Variants in BLTP1 observed in about 807,000 individuals in gnomAD.
BLTP1 encodes bridge-like lipid transfer protein family member 1.
At chr4:122,313,654 G>T in the BLTP1 span, 1 of 1,587,686 alleles carries the variant, frequency 6.3e-7, no homozygotes, top group Non-Finnish European at 8.6e-7. Flanking sequence ...CACCTATGAA[G>T]TATGTTCAAG....
the BLTP1 span, among the ~76,000 whole-genome samples, chr4:122,295,232 G>A: frequency 6.6e-6 from 1 of 151,924 alleles, no homozygotes; most frequent in South Asian, 2.1e-4. Flanking sequence ...AGCAAGACAG[G>A]CCAACATTCG....
At chr4:122,185,450 C>T in the BLTP1 span, 1 of 983,188 alleles carries the variant, frequency 1.0e-6, no homozygotes, top group Non-Finnish European at 1.2e-6. Flanking sequence ...TTAGTAGAAA[C>T]AAGTGCCTCA....
the BLTP1 span, chr4:122,350,027 C>A: frequency 6.2e-7 from 1 of 1,613,702 alleles, no homozygotes; most frequent in South Asian, 1.1e-5. Flanking sequence ...CCTTACCTTC[C>A]GCCAAAGACA....
chr4:122,250,908 G>T, the BLTP1 span: 1 of 983,756 alleles, frequency 1.0e-6, no homozygotes, highest in African/African-American at 1.7e-5. Flanking sequence ...GCAGGCAGAA[G>T]TCATTTTGTT....
chr4:122,226,983 C>G, the BLTP1 span: 15,992 of 637,560 alleles, frequency 0.025, 1,189 homozygotes, highest in African/African-American at 0.2. Context: ...TAAATTCTTA[C>G]CCATTTTAGT....
chr4:122,356,257 T>C, the BLTP1 span, among the ~76,000 whole-genome samples: 1 of 152,194 alleles, frequency 6.6e-6, no homozygotes, highest in Non-Finnish European at 1.5e-5. Flanking sequence ...AGGTTGAGCA[T>C]CCCAATCCAA....
the BLTP1 span, chr4:122,247,645 AC>A: frequency 8.4e-7 from 1 of 1,197,468 alleles, no homozygotes; most frequent in African/African-American, 1.6e-5. Flanking sequence ...CATGCTATTT[AC>A]TTGCTCGTTA....
chr4:122,176,672 T>G, the BLTP1 span, among the ~76,000 whole-genome samples: 3 of 152,176 alleles, frequency 2.0e-5, no homozygotes, highest in Non-Finnish European at 2.9e-5. Flanking sequence ...TACTCCAGTG[T>G]AGGTTTTTTC....
chr4:122,261,252 T>G, the BLTP1 span: 1 of 979,158 alleles, frequency 1.0e-6, no homozygotes, highest in Non-Finnish European at 1.2e-6. Flanking sequence ...GACACTTTAA[T>G]CTGTCTTAGC....
the BLTP1 span, chr4:122,226,578 T>G: frequency 4.7e-6 from 7 of 1,480,958 alleles, no homozygotes; most frequent in Admixed American, 5.5e-5. Flanking sequence ...AAGTTGCTTA[T>G]TTAGCAGAAG....
the BLTP1 span, chr4:122,219,613 C>A: frequency 7.2e-7 from 1 of 1,384,522 alleles, no homozygotes; most frequent in South Asian, 1.2e-5. Flanking sequence ...TTATAACATC[C>A]ACCTGTGTAT....
the BLTP1 span, chr4:122,167,941 G>C: frequency 1.0e-6 from 1 of 960,522 alleles, no homozygotes; most frequent in Non-Finnish European, 1.2e-6. Context: ...TAAGTCTCCA[G>C]TCTCTCACTA....
chr4:122,292,602 G>A, the BLTP1 span: 11 of 931,998 alleles, frequency 1.2e-5, no homozygotes, highest in South Asian at 5.0e-5. Context: ...TGAAGATTTC[G>A]CTCTACTTAA....
the BLTP1 span, chr4:122,288,538 G>C: frequency 6.6e-6 from 1 of 152,014 alleles, no homozygotes; most frequent in African/African-American, 2.4e-5. Flanking sequence ...CGTAGTCCCA[G>C]CTACTCAGGA....
At chr4:122,185,932 T>G in the BLTP1 span, 1 of 938,702 alleles carries the variant, frequency 1.1e-6, no homozygotes, top group South Asian at 2.8e-5. Context: ...GGAATTCTAT[T>G]TTAAAATAAA....
the BLTP1 span, chr4:122,197,103 C>A: frequency 5.6e-6 from 4 of 717,592 alleles, no homozygotes; most frequent in African/African-American, 7.6e-5. Context: ...TACTTAACAT[C>A]AATAATTTCT....
the BLTP1 span, among the ~76,000 whole-genome samples, chr4:122,321,387 T>C: frequency 6.6e-6 from 1 of 152,152 alleles, no homozygotes; most frequent in African/African-American, 2.4e-5. Flanking sequence ...TTTAAGCATA[T>C]ATAAGCATAT....
chr4:122,198,565 C>A, the BLTP1 span: 1 of 424,962 alleles, frequency 2.4e-6, no homozygotes. Flanking sequence ...AAAGGAGTCA[C>A]CTGAGGACTG....
the BLTP1 span, among the ~76,000 whole-genome samples, chr4:122,258,197 G>T: frequency 1.1e-4 from 16 of 152,042 alleles, no homozygotes; most frequent in Non-Finnish European, 1.9e-4. Flanking sequence ...TATTGAAAAT[G>T]CATGTTATGA....
Sources: allele counts gnomAD v4.1 joint callset (sites outside exome capture counted in the v4.1 genomes callset), GRCh38; gene constraint gnomAD v4.1.1; transcripts MANE v1.5; gene names NCBI Gene and HGNC (gene_info 2026-07-23, HGNC 2026-07-21).